Variants in CDKAL1 observed in about 807,000 individuals in gnomAD.
The protein encoded by CDKAL1 is threonylcarbamoyladenosine tRNA methylthiotransferase.
Under a neutral mutation model 68.2 loss-of-function variants are expected in CDKAL1, and 32 were observed. That is an observed-to-expected ratio of 0.47 (90% CI 0.35 to 0.63). The LOEUF is 0.63. Ranked by LOEUF, CDKAL1 falls within the 30% of genes least tolerant of loss-of-function variation. The pLI is 0.00. For synonymous variants in CDKAL1, 234 were observed against 244.3 expected, an observed-to-expected ratio of 0.96 and a Z score of 0.39; for missense variants, 606 against 696.7, an observed-to-expected ratio of 0.87 and a Z score of 1.47.
chr6:20,855,442 CAAAAAAAAAAAAAAA>C (rs145448785), intron 9 of CDKAL1, among the ~76,000 whole-genome samples: 11 of 64,640 alleles, frequency 1.7e-4, no homozygotes, highest in Non-Finnish European at 2.1e-4. Context: ...GACTCCGTCT[CAAAAAAAAAAAAAAA>C]AAAAAAAAAA....
chr6:20,653,052 CT>C (rs1395322845), intron 5 of CDKAL1, among the ~76,000 whole-genome samples: 1 of 152,128 alleles, frequency 6.6e-6, no homozygotes, highest in Non-Finnish European at 1.5e-5. Context: ...CAGCATTACG[CT>C]TTGAGATTTA....
chr6:20,621,508 G>A (rs936910453), intron 4 of CDKAL1, among the ~76,000 whole-genome samples: 6 of 152,048 alleles, frequency 3.9e-5, no homozygotes, highest in African/African-American at 1.4e-4. Flanking sequence ...GGGGGGTTGT[G>A]CTCCCCCTTT....
In CDKAL1 at chr6:20,898,613, C is replaced by T. The variant is rs772833238; in HGVS notation, c.742+52435C>T. 1.3e-5 allele frequency among the ~76,000 whole-genome samples: 2 copies of T among 151,844 alleles called. 1 individual carries two copies. Among genetic ancestry groups the T allele is most frequent in the South Asian group, 4.2e-4 (2 of 4,808 alleles). ...ATCTGAAATCAAAGAGATGGAAACC[C>T]GGTCCCTCCTTCTAAATTCTATGGA... On this transcript the variant is annotated intron_variant, in intron 9 of 15. Transcript: ENST00000274695.
intron 10 of CDKAL1, among the ~76,000 whole-genome samples, chr6:20,974,322 G>A (rs1765738384): frequency 6.6e-6 from 1 of 152,194 alleles, no homozygotes; most frequent in Non-Finnish European, 1.5e-5. Flanking sequence ...CCCAAACTTT[G>A]TTATTTGACC....
rs1010655151 is a variant in CDKAL1 at position 20,721,837 on chromosome 6, A to G, written c.372-17682A>G. Among the ~76,000 whole-genome samples, 6 of 149,634 alleles carry G rather than the reference A, an allele frequency of 4.0e-5. No homozygotes were observed. In the South Asian group the frequency reaches 6.3e-4, roughly 16 times the overall value. Reference sequence around the variant, plus strand: ...AACCTCCGCCTCCTGGGTTCAAACAATTCTCCTGCCTCAGCCTCCCGAGTA... The same window carrying G: ...AACCTCCGCCTCCTGGGTTCAAACAGTTCTCCTGCCTCAGCCTCCCGAGTA... On this transcript the variant is annotated intron_variant, in intron 5 of 15. Coordinates refer to ENST00000274695, the MANE Select transcript of CDKAL1 (RefSeq NM_017774.3).
intron 4 of CDKAL1, among the ~76,000 whole-genome samples, chr6:20,625,921 T>C (rs991689498): frequency 1.3e-5 from 2 of 152,176 alleles, no homozygotes; most frequent in Non-Finnish European, 2.9e-5. Flanking sequence ...AAAACAATAA[T>C]GCTGTCTGCA....
In CDKAL1 at chr6:21,168,343, A is replaced by G. The variant is rs138140400; in HGVS notation, c.1300-29678A>G. Among the ~76,000 whole-genome samples the G allele has an allele frequency of 1.1e-3, 167 of 152,284 alleles. 1 individual carries two copies. Among genetic ancestry groups the G allele is most frequent in the Non-Finnish European group, 2.2e-3 (148 of 68,030 alleles). ...GAAGGGCATTTGAGATTCAGTCAAG[A>G]TGGGATCATTTTCAGGTTCCTAACA... is the stretch of plus-strand genomic sequence containing the variant. On this transcript the variant is annotated intron_variant, in intron 13 of 15. Coordinates refer to ENST00000274695, the MANE Select transcript of CDKAL1 (RefSeq NM_017774.3).
At chr6:20,712,486 A>C (rs1771891669) in intron 5 of CDKAL1, among the ~76,000 whole-genome samples, 1 of 151,342 alleles carries the variant, frequency 6.6e-6, no homozygotes, top group Admixed American at 6.6e-5. Context: ...ATACCTAATC[A>C]GTGTGCTTGA....
chr6:20,614,528 C>T (rs7760894), intron 4 of CDKAL1, among the ~76,000 whole-genome samples: 128,050 of 152,160 alleles, frequency 0.84, 54,345 homozygotes, highest in African/African-American at 0.96. Flanking sequence ...ATTTGTATTC[C>T]TTCTCTCATA....
intron 4 of CDKAL1, among the ~76,000 whole-genome samples, chr6:20,565,267 C>A (rs1420348595): frequency 2.6e-5 from 4 of 151,850 alleles, no homozygotes; most frequent in African/African-American, 9.7e-5. Flanking sequence ...TTTAGAAGTC[C>A]AAGATATAAT....
At position 21,231,348 on chromosome 6, in the gene CDKAL1, G is replaced by A. The variant is rs1386753557; in HGVS notation, c.*309G>A. ...GTTTGTTTCAATCTCTAATCTTTAA[G>A]TCAGAACCTAATTGTACAGTGGCTC... On this transcript the variant is annotated 3_prime_UTR_variant, in exon 16 of 16. Transcript: ENST00000274695. The A allele has an allele frequency of 1.4e-5, 3 of 217,882 alleles. No homozygotes were observed. The highest frequency in any genetic ancestry group is 2.7e-5 in the Non-Finnish European group (3 of 112,028). The allele number at this position is 217,882 out of a possible 1,614,324, so 13.5% of individuals were successfully genotyped here.
At chr6:20,832,308 G>A (rs1777750576) in intron 8 of CDKAL1, among the ~76,000 whole-genome samples, 1 of 152,004 alleles carries the variant, frequency 6.6e-6, no homozygotes, top group African/African-American at 2.4e-5. Flanking sequence ...GCAAAAATTG[G>A]AATTCCTTTT....
intron 4 of CDKAL1, among the ~76,000 whole-genome samples, chr6:20,627,113 G>T (rs1767466770): frequency 1.3e-5 from 2 of 152,136 alleles, no homozygotes; most frequent in Admixed American, 1.3e-4. Flanking sequence ...CCGGGGAGAT[G>T]ATACCTGTTC....
intron 11 of CDKAL1, among the ~76,000 whole-genome samples, chr6:21,060,004 G>A (rs1771058230): frequency 6.6e-6 from 1 of 152,140 alleles, no homozygotes; most frequent in Admixed American, 6.5e-5. Flanking sequence ...ATTTATAAGT[G>A]AGAACATACA....
At chr6:21,013,501 A>G (rs967685065) in intron 11 of CDKAL1, among the ~76,000 whole-genome samples, 6 of 152,224 alleles carry the variant, frequency 3.9e-5, no homozygotes, top group African/African-American at 1.4e-4. Context: ...AGTAATTTAC[A>G]ATTTCAGCAA....
At chr6:20,561,542 T>C (rs1764271456) in intron 4 of CDKAL1, among the ~76,000 whole-genome samples, 1 of 150,478 alleles carries the variant, frequency 6.6e-6, no homozygotes, top group Admixed American at 6.6e-5. Flanking sequence ...ATTAGCTATA[T>C]AACTTTGATA....
chr6:20,639,764 A>G (rs1581873967), intron 4 of CDKAL1, among the ~76,000 whole-genome samples: 2 of 152,256 alleles, frequency 1.3e-5, no homozygotes, highest in East Asian at 1.9e-4. Context: ...TCCGCCTCCC[A>G]TGTTCAAGTG....
chr6:21,037,041 T>C (rs1769633374), intron 11 of CDKAL1, among the ~76,000 whole-genome samples: 1 of 152,172 alleles, frequency 6.6e-6, no homozygotes, highest in Non-Finnish European at 1.5e-5. Context: ...TTCTAGAACA[T>C]TGATTTTTTT....
chr6:20,780,214 A>G (rs1187768265), intron 7 of CDKAL1, among the ~76,000 whole-genome samples: 1 of 151,546 alleles, frequency 6.6e-6, no homozygotes, highest in Non-Finnish European at 1.5e-5. Context: ...ATTTTTTTGT[A>G]TTGTATTCTT....
Sources: allele counts gnomAD v4.1 joint callset (sites outside exome capture counted in the v4.1 genomes callset), GRCh38; gene constraint gnomAD v4.1.1; transcripts MANE v1.5; gene names NCBI Gene and HGNC (gene_info 2026-07-23, HGNC 2026-07-21).